Variants in LGALS3 observed in about 807,000 individuals in gnomAD.
LGALS3 encodes the protein galectin-3.
Under a neutral mutation model 20.7 loss-of-function variants are expected in LGALS3, and 18 were observed. That is an observed-to-expected ratio of 0.87 (90% CI 0.60 to 1.29). The LOEUF (loss-of-function observed/expected upper bound fraction) is 1.29. LGALS3 is among the 50% of genes most tolerant of loss of function. The probability of loss-of-function intolerance (pLI) is 0.00; values close to 1 mark genes in which losing one functional copy is unlikely to be tolerated. For missense variants in LGALS3, 315 were observed against 314.7 expected, an observed-to-expected ratio of 1.00 and a Z score of -0.01; for synonymous variants, 112 against 119.6, an observed-to-expected ratio of 0.94 and a Z score of 0.42.
intron 4 of LGALS3, among the ~76,000 whole-genome samples, chr14:55,141,799 T>G (rs914623148): frequency 6.6e-6 from 1 of 152,238 alleles, no homozygotes; most frequent in African/African-American, 2.4e-5. Context: ...TGAATCAAAA[T>G]ACACAGACAA....
At chr14:55,137,767 G>T in intron 2 of LGALS3, 1 of 1,320,832 alleles carries the variant, frequency 7.6e-7, no homozygotes, top group East Asian at 2.9e-5. Context: ...TATAAGTAGA[G>T]GAGCGCTAAC....
Position 55,138,082 on chromosome 14 carries a change from C to G in LGALS3, c.56C>G (p.Pro19Arg). Residue 19 changes from proline (P) to arginine (R), a missense_variant, in exon 3 of 6, where the codon CCT (proline) becomes CGT (arginine). By Grantham distance (103) the Pro-to-Arg change is moderately radical (BLOSUM62 -2). Coordinates refer to ENST00000254301, the MANE Select transcript of LGALS3 (RefSeq NM_002306.4). ...DALSGSGNPNPQGWPGAWGNQ... is the reference protein window; with the variant it reads ...DALSGSGNPNRQGWPGAWGNQ... ...TTATCTGGGTCTGGAAACCCAAACC[C>G]TCAAGGATGGCCTGGCGCATGGGGG... is the stretch of plus-strand genomic sequence containing the variant. 1 of 1,516,796 alleles carries G rather than the reference C, an allele frequency of 6.6e-7. No individual in the cohort carries two copies. Among genetic ancestry groups the G allele is most frequent in the Non-Finnish European group, 8.8e-7 (1 of 1,134,870 alleles). The allele number at this position is 1,516,796 out of a possible 1,614,324, so 94.0% of individuals were successfully genotyped here.
chr14:55,140,776 A>G (rs979106165), intron 4 of LGALS3, among the ~76,000 whole-genome samples: 2 of 152,188 alleles, frequency 1.3e-5, no homozygotes, highest in Admixed American at 1.3e-4. Flanking sequence ...TATGGGTTTG[A>G]AGAGATTCTA....
At chr14:55,134,349 G>A (rs1241126808) in intron 1 of LGALS3, among the ~76,000 whole-genome samples, 2 of 152,222 alleles carry the variant, frequency 1.3e-5, no homozygotes, top group Non-Finnish European at 2.9e-5. Context: ...AGTGTCAGTG[G>A]TGCTGAGGTT....
At chr14:55,137,770 G>A (rs1881456253) in intron 2 of LGALS3, 10 of 1,314,538 alleles carry the variant, frequency 7.6e-6, no homozygotes, top group Non-Finnish European at 8.7e-6. Flanking sequence ...AAGTAGAGGA[G>A]CGCTAACTCC....
chr14:55,144,989 C>T (rs1039617769), intron 5 of LGALS3, 127 bp from the exon 6 acceptor site: 4 of 718,150 alleles, frequency 5.6e-6, no homozygotes, highest in Admixed American at 2.5e-5. Flanking sequence ...GACATTTTTT[C>T]CCTTTATTTC....
chr14:55,140,977 G>A lies in LGALS3; in HGVS notation c.431+614G>A, dbSNP rs539824308. Reference sequence around the variant, plus strand: ...CATATCATACAAGGAAGCTGGCCATGTCCTGAAACCATCTGAGATGCCTGC... The same window carrying A: ...CATATCATACAAGGAAGCTGGCCATATCCTGAAACCATCTGAGATGCCTGC... On this transcript the variant is annotated intron_variant, in intron 4 of 5. Transcript: ENST00000254301. Among the ~76,000 whole-genome samples the A allele has an allele frequency of 2.0e-5, 3 of 152,298 alleles. 1 individual carries two copies. Among genetic ancestry groups the A allele is most frequent in the African/African-American group, 4.8e-5 (2 of 41,560 alleles).
At chr14:55,144,121 T>C (rs983153425) in intron 5 of LGALS3, among the ~76,000 whole-genome samples, 1 of 152,212 alleles carries the variant, frequency 6.6e-6, no homozygotes, top group African/African-American at 2.4e-5. Context: ...GTTTTTCTTT[T>C]AGGTGTTTTA....
In LGALS3 at chr14:55,129,764, A is replaced by T; in HGVS notation, c.-5+464A>T. Among the ~76,000 whole-genome samples the T allele has an allele frequency of 6.6e-6, 1 of 152,096 alleles. No individual in the cohort carries two copies. ...CCAGACGGCCGCTCCAGTTTCTCTAATTGGGGTTGGAGCCCCGTCACCCTT... is the reference window on the plus strand; with the variant it reads ...CCAGACGGCCGCTCCAGTTTCTCTATTTGGGGTTGGAGCCCCGTCACCCTT... On this transcript the variant is annotated intron_variant, in intron 1 of 5. Transcript: ENST00000254301. This position sits in a 1 kb window ranked among gnomAD's most constrained non-coding sequence, Gnocchi z 5.3.
chr14:55,142,009 T>C (rs988780475), intron 4 of LGALS3, among the ~76,000 whole-genome samples: 10 of 152,342 alleles, frequency 6.6e-5, no homozygotes, highest in African/African-American at 2.4e-4. Flanking sequence ...GCTCACATCA[T>C]AGAATGTTTA....
At chr14:55,136,742 C>G (rs1241242409) in intron 1 of LGALS3, among the ~76,000 whole-genome samples, 1 of 152,094 alleles carries the variant, frequency 6.6e-6, no homozygotes, top group Non-Finnish European at 1.5e-5. Context: ...CTGTCAAATA[C>G]CCGGCCTTAT....
chr14:55,133,360 T>C (rs539920353), intron 1 of LGALS3, among the ~76,000 whole-genome samples: 2 of 152,312 alleles, frequency 1.3e-5, no homozygotes, highest in African/African-American at 4.8e-5. Context: ...AGGGGATGCA[T>C]TCCAAGACCC....
chr14:55,137,937 G>T, intron 2 of LGALS3, 108 bp from the exon 3 acceptor site: 1 of 1,394,980 alleles, frequency 7.2e-7, no homozygotes. Context: ...TGCATGTAAT[G>T]CCTTTGCCAT....
chr14:55,140,195 T>G (rs1881568393), intron 3 of LGALS3, 80 bp from the exon 4 acceptor site: 1 of 878,062 alleles, frequency 1.1e-6, no homozygotes, highest in East Asian at 2.6e-5. Flanking sequence ...ATATTAATAG[T>G]GATGGAACTT....
intron 1 of LGALS3, among the ~76,000 whole-genome samples, chr14:55,133,759 T>C (rs1881301590): frequency 6.6e-6 from 1 of 152,184 alleles, no homozygotes; most frequent in Admixed American, 6.5e-5. Flanking sequence ...TTTGGTTAGA[T>C]TGGAAAATAA....
chr14:55,136,507 C>T (rs547483671), intron 1 of LGALS3, among the ~76,000 whole-genome samples: 10 of 151,948 alleles, frequency 6.6e-5, no homozygotes, highest in South Asian at 4.1e-4. Context: ...GTAGGCCCTT[C>T]GGCTTTTATT....
intron 1 of LGALS3, 127 bp from the exon 2 acceptor site, chr14:55,137,241 CCA>C (rs1214668132): frequency 1.8e-5 from 16 of 901,408 alleles, no homozygotes; most frequent in Non-Finnish European, 1.9e-6. Flanking sequence ...TTTTGTGGCG[CCA>C]CACTACTGAC....
intron 1 of LGALS3, among the ~76,000 whole-genome samples, chr14:55,131,446 A>G (rs1161750684): frequency 6.6e-6 from 1 of 152,214 alleles, no homozygotes; most frequent in African/African-American, 2.4e-5. Flanking sequence ...CCTTAACTGC[A>G]GCCAAGACCT....
At chr14:55,135,674 C>T (rs1881372208) in intron 1 of LGALS3, among the ~76,000 whole-genome samples, 1 of 149,922 alleles carries the variant, frequency 6.7e-6, no homozygotes, top group African/African-American at 2.5e-5. Flanking sequence ...AAATGATCCT[C>T]CCACCTCAGC....
Sources: allele counts gnomAD v4.1 joint callset (sites outside exome capture counted in the v4.1 genomes callset), GRCh38; gene constraint gnomAD v4.1.1; non-coding constraint Gnocchi (gnomAD v3.1); transcripts MANE v1.5; gene names NCBI Gene and HGNC (gene_info 2026-07-23, HGNC 2026-07-21).